The following SGCD variants were observed in gnomAD, a reference collection of about 807,000 sequenced individuals.
SGCD encodes the protein delta-sarcoglycan.
SGCD carries 18 observed loss-of-function variants against 36.6 expected under a neutral mutation model. The ratio of observed to expected loss-of-function variants is 0.49; its 90% CI spans 0.34 to 0.73. The LOEUF (loss-of-function observed/expected upper bound fraction) is 0.73, where lower values mean the gene tolerates loss of function less well. Among genes scored for constraint, SGCD ranks in the 30% least tolerant of loss-of-function variants. SGCD has a pLI of 0.01. For missense variants in SGCD, 387 were observed against 346.7 expected (o/e 1.12, Z -0.92); for synonymous variants, 133 against 130.6 (o/e 1.02, Z -0.12).
At chr5:156,524,817 A>G (rs376697490) in intron 4 of SGCD, among the ~76,000 whole-genome samples, 1 of 152,084 alleles carries the variant, frequency 6.6e-6, no homozygotes, top group Non-Finnish European at 1.5e-5. Flanking sequence ...AATTCTACAT[A>G]AAAGTGAGAC....
intron 6 of SGCD, among the ~76,000 whole-genome samples, chr5:156,632,992 T>G (rs1268856234): frequency 1.8e-5 from 1 of 55,126 alleles, no homozygotes; most frequent in Non-Finnish European, 3.4e-5. Context: ...ATACGTTCAG[T>G]CAAGCATTAT....
intron 1 of SGCD, among the ~76,000 whole-genome samples, chr5:156,072,898 C>T (rs191785959): frequency 3.9e-5 from 6 of 152,170 alleles, no homozygotes; most frequent in East Asian, 1.9e-4. Context: ...CCATCACTGA[C>T]ACCCTTTGTT....
chr5:156,763,318 C>CTGTT lies in SGCD; in HGVS notation c.*3930_*3933dup, dbSNP rs1186733741. ...AGAGAATAGTTTTGACTTAACATGT[C>CTGTT]TGTTTAGCCCACATCACGTCAGTTA... On this transcript the variant is annotated 3_prime_UTR_variant, in exon 9 of 9. Transcript: ENST00000337851. The CTGTT allele has an allele frequency of 5.2e-5, 8 of 152,774 alleles. No homozygotes were observed. The East Asian group carries it at 1.3e-3, about 26-fold the overall frequency. The allele number at this position is 152,774 out of a possible 1,614,324, so 9.5% of individuals were successfully genotyped here.
chr5:156,672,149 C>A (rs1470909173), intron 7 of SGCD, among the ~76,000 whole-genome samples: 2 of 152,194 alleles, frequency 1.3e-5, no homozygotes, highest in African/African-American at 4.8e-5. Flanking sequence ...TTGGGCTGGT[C>A]ATTTTCCCCA....
chr5:156,339,482 CTTGA>C (rs1484208888), intron 2 of SGCD, among the ~76,000 whole-genome samples: 3 of 152,180 alleles, frequency 2.0e-5, no homozygotes, highest in Non-Finnish European at 2.9e-5. Context: ...TTAACGTTGG[CTTGA>C]TTTTTATTCA....
At chr5:155,747,014 T>C in the SGCD span, among the ~76,000 whole-genome samples, 2 of 152,076 alleles carry the variant, frequency 1.3e-5, no homozygotes, top group Admixed American at 1.3e-4. Context: ...GTCTCTGGGG[T>C]GTGAGATTTT....
intron 1 of SGCD, among the ~76,000 whole-genome samples, chr5:156,025,813 T>G (rs866880395): frequency 5.9e-5 from 9 of 152,332 alleles, no homozygotes; most frequent in Middle Eastern, 3.4e-3. Flanking sequence ...AAAACACTGT[T>G]GGAATAGAGC....
intron 1 of SGCD, among the ~76,000 whole-genome samples, chr5:155,933,203 A>G (rs1161185669): frequency 6.6e-6 from 1 of 152,144 alleles, no homozygotes; most frequent in Non-Finnish European, 1.5e-5. Context: ...AAAAACGTCT[A>G]GCTCAGTTCT....
chr5:156,132,737 G>A (rs1762359301), intron 3 of SGCD, among the ~76,000 whole-genome samples: 1 of 151,896 alleles, frequency 6.6e-6, no homozygotes, highest in South Asian at 2.1e-4. Flanking sequence ...CAAAGTGCGG[G>A]GATTACAGGC....
At chr5:155,992,144 T>A (rs865779827) in intron 1 of SGCD, among the ~76,000 whole-genome samples, 1 of 152,162 alleles carries the variant, frequency 6.6e-6, no homozygotes, top group Non-Finnish European at 1.5e-5. Flanking sequence ...GGATACTACT[T>A]CCAAATTAAC....
chr5:156,224,750 G>A (rs1307127230), intron 3 of SGCD, among the ~76,000 whole-genome samples: 1 of 152,032 alleles, frequency 6.6e-6, no homozygotes, highest in Non-Finnish European at 1.5e-5. Context: ...AAAATCCCGA[G>A]CAAGTCAAAA....
chr5:156,001,140 A>G (rs150152121), intron 1 of SGCD, among the ~76,000 whole-genome samples: 1,894 of 152,224 alleles, frequency 0.012, 18 homozygotes, highest in Middle Eastern at 0.017. Context: ...CCATCTCATC[A>G]TCTTGTTTCT....
chr5:156,045,299 T>C (rs1759736739), intron 1 of SGCD, among the ~76,000 whole-genome samples: 1 of 152,156 alleles, frequency 6.6e-6, no homozygotes, highest in Non-Finnish European at 1.5e-5. Context: ...CATACACATA[T>C]ACCTGTATAT....
intron 1 of SGCD, among the ~76,000 whole-genome samples, chr5:155,896,966 C>T (rs558443315): frequency 6.6e-6 from 1 of 152,294 alleles, no homozygotes; most frequent in South Asian, 2.1e-4. Context: ...TTCAGCAAAA[C>T]CACTTATTGG....
chr5:156,590,117 T>C lies in SGCD; in HGVS notation c.382+799T>C, dbSNP rs1283410255. 2.6e-5 allele frequency among the ~76,000 whole-genome samples: 4 copies of C among 152,204 alleles called. No individual in the cohort carries two copies. The East Asian group carries it at 7.7e-4, about 29-fold the overall frequency. The stretch of plus-strand genomic sequence containing the variant: ...TTATACTTACAGACAGAAAATGCCA[T>C]TTGTTTGGCTTCAGGGCTAAAAGTA... On this transcript the variant is annotated intron_variant, in intron 5 of 8. Coordinates refer to ENST00000337851, the MANE Select transcript of SGCD (RefSeq NM_000337.6).
chr5:156,306,362 G>A (rs914071537), intron 3 of SGCD, among the ~76,000 whole-genome samples: 2 of 152,148 alleles, frequency 1.3e-5, no homozygotes, highest in Non-Finnish European at 2.9e-5. Context: ...CTCTTTGCTT[G>A]TTGCCATCCA....
chr5:156,149,762 G>A (rs1762790855), intron 3 of SGCD, among the ~76,000 whole-genome samples: 1 of 152,174 alleles, frequency 6.6e-6, no homozygotes, highest in Non-Finnish European at 1.5e-5. Flanking sequence ...GGCTGGCATG[G>A]CCTCCTTGTG....
chr5:156,536,644 G>T (rs1187186064), intron 4 of SGCD, among the ~76,000 whole-genome samples: 3 of 152,022 alleles, frequency 2.0e-5, no homozygotes, highest in Non-Finnish European at 4.4e-5. Flanking sequence ...GATCTGGAGG[G>T]AATCTTTTCT....
At chr5:155,898,835 A>G (rs1186079168) in intron 1 of SGCD, among the ~76,000 whole-genome samples, 2 of 152,118 alleles carry the variant, frequency 1.3e-5, no homozygotes, top group Non-Finnish European at 2.9e-5. Context: ...ACTTCTCTCC[A>G]TTTATTAGAG....
Sources: allele counts gnomAD v4.1 joint callset (sites outside exome capture counted in the v4.1 genomes callset), GRCh38; gene constraint gnomAD v4.1.1; transcripts MANE v1.5; gene names NCBI Gene and HGNC (gene_info 2026-07-23, HGNC 2026-07-21).